The following PARG variants were observed in gnomAD, a reference collection of about 807,000 sequenced individuals.
The protein encoded by PARG is poly(ADP-ribose) glycohydrolase, also known as mitochondrial poly(ADP-ribose) glycohydrolase.
PARG carries 35 observed loss-of-function variants against 113.0 expected under a neutral mutation model. The observed-to-expected ratio is 0.31, with a 90% confidence interval of 0.24 to 0.41. PARG has a LOEUF of 0.41. Among genes scored for constraint, PARG ranks in the 10% least tolerant of loss-of-function variants. The pLI is 1.00. For synonymous variants in PARG, 330 were observed against 409.9 expected (o/e 0.81, Z 2.36); for missense variants, 797 against 1,169.4 (o/e 0.68, Z 4.64).
chr10:49,826,972 C>G (rs1844390374), intron 16 of PARG, among the ~76,000 whole-genome samples: 1 of 152,214 alleles, frequency 6.6e-6, no homozygotes, highest in Non-Finnish European at 1.5e-5. Context: ...GAGCCTGATT[C>G]TAGGATCAAC....
chr10:49,833,070 G>A (rs1417364009), intron 15 of PARG, 162 bp from the exon 16 acceptor site: 3 of 447,682 alleles, frequency 6.7e-6, no homozygotes, highest in East Asian at 3.5e-5. Flanking sequence ...AGGGAGAAAG[G>A]GAGAGAAAAA....
chr10:49,904,181 T>C (rs1408170836), intron 7 of PARG, among the ~76,000 whole-genome samples: 2 of 151,912 alleles, frequency 1.3e-5, no homozygotes, highest in Non-Finnish European at 2.9e-5. Flanking sequence ...CTGGCTTGAG[T>C]GAATGAATAG....
intron 6 of PARG, 136 bp downstream of exon 6, chr10:49,922,200 G>A: frequency 1.2e-6 from 1 of 832,954 alleles, no homozygotes; most frequent in Admixed American, 2.8e-5. Flanking sequence ...ATGTCTCTAA[G>A]GGGCCTTCCT....
chr10:49,895,379 T>C (rs1554842476), intron 7 of PARG, among the ~76,000 whole-genome samples: 1 of 152,150 alleles, frequency 6.6e-6, no homozygotes. Flanking sequence ...GGTATTATGA[T>C]TGGAACTGCA....
intron 9 of PARG, among the ~76,000 whole-genome samples, chr10:49,878,976 G>A (rs2941139): frequency 1.3e-5 from 2 of 152,178 alleles, no homozygotes; most frequent in Admixed American, 6.5e-5. Flanking sequence ...AAAAACATTA[G>A]TTTGCCAAGA....
chr10:49,820,672 G>A (rs932682136), intron 16 of PARG, among the ~76,000 whole-genome samples: 2 of 149,374 alleles, frequency 1.3e-5, no homozygotes, highest in East Asian at 2.0e-4. Context: ...CAGGTGAGCC[G>A]AGATCGCACC....
chr10:49,859,947 C>G (rs1554835654), intron 12 of PARG, among the ~76,000 whole-genome samples: 7 of 152,094 alleles, frequency 4.6e-5, no homozygotes, highest in Non-Finnish European at 1.0e-4. Flanking sequence ...TTTTCCAAGT[C>G]ACTTTAAAGC....
chr10:49,900,491 C>T (rs1202078950), intron 7 of PARG, among the ~76,000 whole-genome samples: 1 of 151,896 alleles, frequency 6.6e-6, no homozygotes, highest in Admixed American at 6.6e-5. Context: ...TATTTTCCTA[C>T]ACAAACTTCA....
chr10:49,926,543 A>T (rs1232444285), intron 4 of PARG, among the ~76,000 whole-genome samples: 1 of 152,134 alleles, frequency 6.6e-6, no homozygotes, highest in Non-Finnish European at 1.5e-5. Context: ...CATAAGGGGG[A>T]ACTGAAGACT....
chr10:49,837,120 C>A (rs571043787), intron 15 of PARG, among the ~76,000 whole-genome samples: 121 of 152,256 alleles, frequency 7.9e-4, no homozygotes, highest in Admixed American at 2.0e-3. Context: ...CTGGTCCCCC[C>A]CTTTAAAAAC....
chr10:49,889,673 A>C (rs1847672308), intron 7 of PARG, among the ~76,000 whole-genome samples: 2 of 152,186 alleles, frequency 1.3e-5, no homozygotes, highest in African/African-American at 4.8e-5. Flanking sequence ...AAACCTAAAG[A>C]TATTAAACCT....
intron 4 of PARG, among the ~76,000 whole-genome samples, chr10:49,926,598 C>A (rs1422331840): frequency 6.6e-6 from 1 of 152,262 alleles, no homozygotes; most frequent in African/African-American, 2.4e-5. Flanking sequence ...TCCTGAGGGG[C>A]CTGGAGACAG....
intron 7 of PARG, among the ~76,000 whole-genome samples, chr10:49,891,877 T>C (rs1483896504): frequency 6.6e-6 from 1 of 151,508 alleles, no homozygotes; most frequent in Non-Finnish European, 1.5e-5. Flanking sequence ...TCCACCTACC[T>C]CAGCCTCCCA....
Position 49,922,595 on chromosome 10 carries a change from A to G in PARG, c.1530T>C (p.His510=), listed in dbSNP as rs1554849611. ...TTTGTTCTGAACAAGGCATTTTAAC[A>G]TGCTTGTTATCCCACAAATCTTTAT... The part of the protein sequence containing the change: ...THYKDLWDNK[H]VKMPCSEQNL... The change falls in exon 5 of 18, where the codon CAT becomes CAC. Residue 510 remains histidine (H), a synonymous_variant. Transcript: ENST00000616448. 1.2e-6 allele frequency: 2 copies of G among 1,609,206 alleles called. No homozygotes were observed. The highest frequency in any genetic ancestry group is 1.7e-5 in the Admixed American group (1 of 59,642).
chr10:49,877,173 T>C (rs1554838551), intron 9 of PARG, among the ~76,000 whole-genome samples: 1 of 150,480 alleles, frequency 6.6e-6, no homozygotes, highest in African/African-American at 2.4e-5. Flanking sequence ...TACTTTCATC[T>C]GCTAAACACA....
chr10:49,885,544 G>GTT, intron 7 of PARG, among the ~76,000 whole-genome samples: 1 of 152,070 alleles, frequency 6.6e-6, no homozygotes, highest in Non-Finnish European at 1.5e-5. Context: ...GAAAAAAAAT[G>GTT]TAAGTATCCC....
Position 49,933,621 on chromosome 10 carries a change from T to C in PARG, c.827A>G (p.Lys276Arg), listed in dbSNP as rs1300033130. ...TTGTCTAGTCAATTTGTTGTCATTT[T>C]TTGGCCCAGTACCAACATCCTCAGA... ...VGSEDVGTGP[K>R]NDNKLTRQES... Residue 276 changes from lysine (K) to arginine (R), a missense_variant, in exon 3 of 18, where the codon AAA (lysine) becomes AGA (arginine). Transcript: ENST00000616448. The C allele has an allele frequency of 1.2e-6, 2 of 1,609,876 alleles. No homozygotes were observed. Among genetic ancestry groups the C allele is most frequent in the African/African-American group, 2.7e-5 (2 of 74,862 alleles).
intron 8 of PARG, among the ~76,000 whole-genome samples, chr10:49,882,126 A>C (rs1847245269): frequency 6.6e-6 from 1 of 151,750 alleles, no homozygotes; most frequent in South Asian, 2.1e-4. Flanking sequence ...ATAATTTTAA[A>C]TAGAGTTAAT....
intron 15 of PARG, among the ~76,000 whole-genome samples, chr10:49,833,490 TTTA>T (rs1375940680): frequency 6.6e-6 from 1 of 152,248 alleles, no homozygotes; most frequent in Non-Finnish European, 1.5e-5. Context: ...TGAAATAACC[TTTA>T]AGATGCCTTT....
Sources: allele counts gnomAD v4.1 joint callset (sites outside exome capture counted in the v4.1 genomes callset), GRCh38; gene constraint gnomAD v4.1.1; transcripts MANE v1.5; gene names NCBI Gene and HGNC (gene_info 2026-07-23, HGNC 2026-07-21).